The following MARCHF1 variants were observed in gnomAD, a reference collection of about 807,000 sequenced individuals.
MARCHF1 encodes the protein E3 ubiquitin-protein ligase MARCHF1.
A neutral mutation model predicts 54.2 loss-of-function variants in MARCHF1; 40 were observed. The ratio of observed to expected loss-of-function variants is 0.74; its 90% CI spans 0.57 to 0.96. The LOEUF (loss-of-function observed/expected upper bound fraction) is 0.96. Ranked by LOEUF, MARCHF1 falls within the 40% of genes least tolerant of loss-of-function variation. The probability of loss-of-function intolerance (pLI) is 0.00; values close to 1 mark genes in which losing one functional copy is unlikely to be tolerated. For missense variants in MARCHF1, 586 were observed against 656.5 expected (o/e 0.89, Z 1.17); for synonymous variants, 236 against 236.3 (o/e 1.00, Z 0.01).
chr4:164,143,316 A>G (rs1368515624), intron 1 of MARCHF1, among the ~76,000 whole-genome samples: 1 of 146,326 alleles, frequency 6.8e-6, no homozygotes, highest in African/African-American at 2.5e-5. Context: ...CAGGAAATAC[A>G]GAGAACGCCA....
chr4:164,358,692 A>C (rs1173458786), intron 1 of MARCHF1, among the ~76,000 whole-genome samples: 2 of 152,144 alleles, frequency 1.3e-5, no homozygotes, highest in African/African-American at 4.8e-5. Flanking sequence ...GAATAAAATC[A>C]TGAGGTTGTA....
In MARCHF1 at chr4:164,322,952, A is replaced by G. The variant is rs569143683; in HGVS notation, c.-323+60918T>C. Among the ~76,000 whole-genome samples, 4 of 152,142 alleles carry G rather than the reference A, an allele frequency of 2.6e-5. No individual in the cohort carries two copies. In the East Asian group the frequency reaches 7.7e-4, roughly 29 times the overall value. ...TAAAGTAAAAACTGTTAGAAATCAA[A>G]GCAGAAGCTGACAATTTAAAAAATA... is the stretch of plus-strand genomic sequence containing the variant. On this transcript the variant is annotated intron_variant, in intron 1 of 9. Coordinates refer to ENST00000514618, the MANE Select transcript of MARCHF1 (RefSeq NM_001394959.1).
intron 3 of MARCHF1, among the ~76,000 whole-genome samples, chr4:163,967,281 C>T (rs959094788): frequency 4.6e-5 from 7 of 152,102 alleles, no homozygotes; most frequent in South Asian, 2.1e-4. Context: ...GAGGTAAGGT[C>T]GCTTCTTGAT....
At chr4:163,988,114 G>T (rs931578407) in intron 3 of MARCHF1, among the ~76,000 whole-genome samples, 1 of 152,154 alleles carries the variant, frequency 6.6e-6, no homozygotes, top group African/African-American at 2.4e-5. Flanking sequence ...TTAATGGGCA[G>T]TGAGGAAAAC....
chr4:164,160,142 C>T (rs114536065), intron 1 of MARCHF1, among the ~76,000 whole-genome samples: 1,734 of 152,120 alleles, frequency 0.011, 36 homozygotes, highest in African/African-American at 0.039. Flanking sequence ...TTTTCAAATT[C>T]GATATTTTTA....
At chr4:164,230,352 G>A (rs1449884655) in intron 1 of MARCHF1, among the ~76,000 whole-genome samples, 3 of 149,764 alleles carry the variant, frequency 2.0e-5, no homozygotes, top group Non-Finnish European at 3.0e-5. Flanking sequence ...CCAAGGTGGC[G>A]CCATTGCACT....
chr4:163,961,038 A>G (rs1469643411), intron 3 of MARCHF1, among the ~76,000 whole-genome samples: 1 of 151,702 alleles, frequency 6.6e-6, no homozygotes, highest in Non-Finnish European at 1.5e-5. Context: ...CTCTTTTTCA[A>G]TATGAGGACC....
At chr4:163,642,226 AAG>A (rs1328394800) in intron 5 of MARCHF1, among the ~76,000 whole-genome samples, 1 of 152,212 alleles carries the variant, frequency 6.6e-6, no homozygotes, top group East Asian at 1.9e-4. Context: ...AAGGTAATTT[AAG>A]ACCTGATTTT....
At chr4:163,777,608 T>C (rs1453872771) in intron 4 of MARCHF1, among the ~76,000 whole-genome samples, 1 of 152,182 alleles carries the variant, frequency 6.6e-6, no homozygotes, top group East Asian at 1.9e-4. Context: ...GGGAATTACA[T>C]GCTTATTTGT....
At chr4:164,145,727 C>A (rs534905674) in intron 1 of MARCHF1, among the ~76,000 whole-genome samples, 1 of 148,766 alleles carries the variant, frequency 6.7e-6, no homozygotes, top group East Asian at 2.0e-4. Context: ...ACTGAATGGG[C>A]AAAAACTGGA....
chr4:164,011,799 A>G lies in MARCHF1; in HGVS notation c.-247-23090T>C, dbSNP rs554811385. Among the ~76,000 whole-genome samples, 13 of 152,362 alleles carry G rather than the reference A, an allele frequency of 8.5e-5. No individual in the cohort carries two copies. The South Asian group carries it at 2.5e-3, about 29-fold the overall frequency. On this transcript the variant is annotated intron_variant, in intron 2 of 9. Transcript: ENST00000514618. The stretch of plus-strand genomic sequence containing the variant: ...TCACAGTACCTGGTTTGAACATAAT[A>G]TCGAGGAAAGAGGTATTGAAGAGAG...
chr4:163,751,537 G>T (rs1746521161), intron 4 of MARCHF1, among the ~76,000 whole-genome samples: 1 of 151,634 alleles, frequency 6.6e-6, no homozygotes, highest in African/African-American at 2.4e-5. Flanking sequence ...GAAGGTTTAT[G>T]CATACAAAAT....
intron 8 of MARCHF1, among the ~76,000 whole-genome samples, chr4:163,550,452 C>A (rs900536212): frequency 6.6e-6 from 1 of 151,544 alleles, no homozygotes; most frequent in Non-Finnish European, 1.5e-5. Context: ...GAATGATAGA[C>A]CAAAAAATTA....
intron 1 of MARCHF1, among the ~76,000 whole-genome samples, chr4:164,255,264 A>G (rs1435080583): frequency 1.3e-5 from 2 of 152,120 alleles, no homozygotes; most frequent in Admixed American, 6.6e-5. Context: ...AATTATTTCA[A>G]TATATGAAGT....
chr4:164,167,591 T>C lies in MARCHF1; in HGVS notation c.-322-55929A>G, dbSNP rs139889497. ...TGTAAAAAAAAGACACAAAGGCCAA[T>C]AGAACAGAATAAAAAGTCTAGAAAT... On this transcript the variant is annotated intron_variant, in intron 1 of 9. Transcript: ENST00000514618. Among the ~76,000 whole-genome samples the C allele has an allele frequency of 5.7e-3, 867 of 151,710 alleles. 7 individuals are homozygous for C. The highest frequency in any genetic ancestry group is 0.02 in the African/African-American group (820 of 41,454).
At chr4:163,856,587 A>T (rs1268510261) in intron 3 of MARCHF1, among the ~76,000 whole-genome samples, 1 of 152,232 alleles carries the variant, frequency 6.6e-6, no homozygotes, top group East Asian at 1.9e-4. Context: ...GCATTTCTAC[A>T]TCTGGACATT....
chr4:164,370,710 AC>A (rs971653705), intron 1 of MARCHF1, among the ~76,000 whole-genome samples: 4 of 152,154 alleles, frequency 2.6e-5, no homozygotes, highest in Non-Finnish European at 5.9e-5. Context: ...GGAGTTGGAG[AC>A]CAGCCTCACC....
At chr4:163,879,551 A>T (rs754302363) in intron 3 of MARCHF1, among the ~76,000 whole-genome samples, 3 of 152,232 alleles carry the variant, frequency 2.0e-5, no homozygotes, top group Non-Finnish European at 4.4e-5. Context: ...TATGTAAAGT[A>T]TCATTTGCTA....
At chr4:163,793,326 T>C (rs1247308884) in intron 4 of MARCHF1, among the ~76,000 whole-genome samples, 1 of 152,142 alleles carries the variant, frequency 6.6e-6, no homozygotes, top group Non-Finnish European at 1.5e-5. Flanking sequence ...TGGTGGATTT[T>C]TATAAAATCA....
Sources: allele counts gnomAD v4.1 joint callset (sites outside exome capture counted in the v4.1 genomes callset), GRCh38; gene constraint gnomAD v4.1.1; transcripts MANE v1.5; gene names NCBI Gene and HGNC (gene_info 2026-07-23, HGNC 2026-07-21).